The following DYNC1I1 variants were observed in gnomAD, a reference collection of about 807,000 sequenced individuals.
DYNC1I1 encodes the protein cytoplasmic dynein 1 intermediate chain 1.
A neutral mutation model predicts 86.6 loss-of-function variants in DYNC1I1; 43 were observed. The observed-to-expected ratio is 0.50, with a 90% CI of 0.39 to 0.64. The LOEUF is 0.64. DYNC1I1 is among the 30% of genes least tolerant of loss of function. The pLI, the probability that DYNC1I1 is intolerant of heterozygous loss-of-function variation, is 0.00. For missense variants in DYNC1I1, 604 were observed against 788.8 expected (o/e 0.77, Z 2.81); for synonymous variants, 262 against 283.7 (o/e 0.92, Z 0.77).
intron 5 of DYNC1I1, among the ~76,000 whole-genome samples, chr7:95,865,578 G>A (rs138919544): frequency 3.5e-4 from 53 of 152,224 alleles, no homozygotes; most frequent in Non-Finnish European, 5.0e-4. Context: ...AAGTGAATAC[G>A]GTCATGTGTC....
chr7:95,936,706 G>A (rs983292373), intron 6 of DYNC1I1, among the ~76,000 whole-genome samples: 3 of 151,822 alleles, frequency 2.0e-5, no homozygotes, highest in Non-Finnish European at 2.9e-5. Context: ...TTAAAAATAC[G>A]ATTGTTCCAG....
At chr7:96,019,856 T>C (rs1794498382) in intron 10 of DYNC1I1, among the ~76,000 whole-genome samples, 1 of 152,146 alleles carries the variant, frequency 6.6e-6, no homozygotes, top group Admixed American at 6.5e-5. Flanking sequence ...CCACTTACAG[T>C]GTTTAGAGAT....
At chr7:95,989,599 G>A (rs541391584) in intron 9 of DYNC1I1, among the ~76,000 whole-genome samples, 4 of 152,306 alleles carry the variant, frequency 2.6e-5, no homozygotes, top group Non-Finnish European at 5.9e-5. Context: ...GGGTGGGGCT[G>A]GTCCCGCCTT....
At chr7:95,934,274 C>T (rs1006542024) in intron 6 of DYNC1I1, among the ~76,000 whole-genome samples, 3 of 152,022 alleles carry the variant, frequency 2.0e-5, no homozygotes, top group African/African-American at 7.2e-5. Flanking sequence ...CTAGGGTATA[C>T]CGGTACACTA....
intron 6 of DYNC1I1, among the ~76,000 whole-genome samples, chr7:95,897,737 A>ATTT (rs10657325): frequency 0.51 from 76,079 of 148,394 alleles, 20,943 homozygotes; most frequent in Non-Finnish European, 0.62. Flanking sequence ...AGTTGAGTTG[A>ATTT]TTTTTTTTTT....
downstream of DYNC1I1, among the ~76,000 whole-genome samples, chr7:96,103,018 A>G (rs2116346935): frequency 6.6e-6 from 1 of 152,298 alleles, no homozygotes; most frequent in Admixed American, 6.5e-5. Flanking sequence ...TGGGATGTAC[A>G]GAACCAGAAG....
intron 6 of DYNC1I1, among the ~76,000 whole-genome samples, chr7:95,927,430 G>A (rs539766762): frequency 6.6e-6 from 1 of 152,168 alleles, no homozygotes; most frequent in Non-Finnish European, 1.5e-5. Flanking sequence ...GGTGATAGTA[G>A]AGGTGGCATT....
intron 14 of DYNC1I1, among the ~76,000 whole-genome samples, chr7:96,063,294 G>A (rs923611522): frequency 1.3e-5 from 2 of 151,972 alleles, no homozygotes; most frequent in Admixed American, 1.3e-4. Context: ...TTGCACTGTT[G>A]GGGGAATTAC....
chr7:96,023,921 C>T (rs569334974), intron 10 of DYNC1I1, among the ~76,000 whole-genome samples: 8 of 152,228 alleles, frequency 5.3e-5, no homozygotes, highest in Admixed American at 2.0e-4. Context: ...TTTGCTTGTC[C>T]GAACTTGGGA....
chr7:96,065,578 G>C (rs752152397), intron 14 of DYNC1I1, among the ~76,000 whole-genome samples: 2 of 152,012 alleles, frequency 1.3e-5, no homozygotes, highest in Non-Finnish European at 2.9e-5. Flanking sequence ...TGTACAGACA[G>C]GGTTTCGCCA....
At chr7:96,094,153 A>G (rs1310213854) in intron 16 of DYNC1I1, among the ~76,000 whole-genome samples, 2 of 151,494 alleles carry the variant, frequency 1.3e-5, no homozygotes, top group African/African-American at 4.8e-5. Flanking sequence ...TCTGTATTTC[A>G]TAGTCTTCAT....
intron 6 of DYNC1I1, among the ~76,000 whole-genome samples, chr7:95,944,780 A>C (rs997415314): frequency 6.6e-6 from 1 of 150,864 alleles, no homozygotes; most frequent in Non-Finnish European, 1.5e-5. Flanking sequence ...AGAACAAAAA[A>C]CCAAATACCG....
At chr7:95,923,528 C>G (rs965927543) in intron 6 of DYNC1I1, among the ~76,000 whole-genome samples, 1 of 151,926 alleles carries the variant, frequency 6.6e-6, no homozygotes, top group Non-Finnish European at 1.5e-5. Flanking sequence ...CAGTGTAAAC[C>G]CTGCTTTGTA....
chr7:95,948,171 G>A (rs1049297102), intron 6 of DYNC1I1, among the ~76,000 whole-genome samples: 2 of 152,150 alleles, frequency 1.3e-5, no homozygotes, highest in Admixed American at 6.5e-5. Flanking sequence ...TGTTTCGAGG[G>A]CGTTGGATGT....
intron 6 of DYNC1I1, among the ~76,000 whole-genome samples, chr7:95,885,968 AG>A (rs1224798426): frequency 2.0e-5 from 3 of 152,226 alleles, no homozygotes; most frequent in Non-Finnish European, 4.4e-5. Context: ...AAACTACCAA[AG>A]GTCTTATTAT....
At chr7:96,009,428 T>A (rs1413707808) in intron 10 of DYNC1I1, among the ~76,000 whole-genome samples, 1 of 152,190 alleles carries the variant, frequency 6.6e-6, no homozygotes, top group East Asian at 1.9e-4. Context: ...TTGCTGATGA[T>A]GCTCTAGACC....
At chr7:95,963,238 C>T (rs1057013446) in intron 6 of DYNC1I1, among the ~76,000 whole-genome samples, 2 of 152,120 alleles carry the variant, frequency 1.3e-5, no homozygotes, top group African/African-American at 4.8e-5. Context: ...CACTTGTTAA[C>T]CTCACCCCTA....
rs190895513 is a variant in DYNC1I1 at position 96,068,505 on chromosome 7, C to T, written c.1510-7552C>T. Among the ~76,000 whole-genome samples the T allele has an allele frequency of 5.4e-3, 826 of 152,168 alleles. 8 individuals carry two copies. The highest frequency in any genetic ancestry group is 0.018 in the African/African-American group (755 of 41,512). On this transcript the variant is annotated intron_variant, in intron 14 of 16. Transcript: ENST00000447467. ...TTTTATATATATGGTCAATTGTTGACGCAAGAGGTAGAATTAAACGTTTAG... is the reference window on the plus strand; with the variant it reads ...TTTTATATATATGGTCAATTGTTGATGCAAGAGGTAGAATTAAACGTTTAG...
intron 1 of DYNC1I1, among the ~76,000 whole-genome samples, chr7:95,795,971 A>C (rs568665182): frequency 6.6e-6 from 1 of 151,496 alleles, no homozygotes; most frequent in African/African-American, 2.4e-5. Context: ...AGTGATATGA[A>C]GAAGCCTACT....
Sources: allele counts gnomAD v4.1 joint callset (sites outside exome capture counted in the v4.1 genomes callset), GRCh38; gene constraint gnomAD v4.1.1; transcripts MANE v1.5; gene names NCBI Gene and HGNC (gene_info 2026-07-23, HGNC 2026-07-21).